SEMA3A: variants seen among roughly 807,000 people sequenced by gnomAD.
The protein encoded by SEMA3A is semaphorin 3A, also known as semaphorin-3A.
In SEMA3A, 29 loss-of-function variants were observed where a neutral mutation model predicts 97.9. That is an observed-to-expected ratio of 0.30 (90% confidence interval 0.22 to 0.40). SEMA3A has a LOEUF of 0.40. Ranked by LOEUF, SEMA3A falls within the 10% of genes least tolerant of loss-of-function variation. The pLI is 1.00. For synonymous variants in SEMA3A, 321 were observed against 323.7 expected (o/e 0.99, Z 0.09); for missense variants, 763 against 951.3 (o/e 0.80, Z 2.60).
At chr7:84,242,994 G>A (rs1799400291) in intron 3 of SEMA3A, among the ~76,000 whole-genome samples, 1 of 152,122 alleles carries the variant, frequency 6.6e-6, no homozygotes, top group Admixed American at 6.5e-5. Context: ...TGCATCCCAG[G>A]GATGAAGCCG....
rs374395749 is a variant in SEMA3A, at chr7:84,429,160, A to G, written c.-245-57260T>C. 6.9e-4 allele frequency among the ~76,000 whole-genome samples: 105 copies of G among 152,134 alleles called. 1 individual carries two copies. The highest frequency in any genetic ancestry group is 2.3e-3 in the African/African-American group (97 of 41,534). ...ATCAATTAGCATAATTTAGTTACTA[A>G]TTGAGAATCTCTACTTTATTTATGC... is the stretch of plus-strand genomic sequence containing the variant. On this transcript the variant is annotated intron_variant, in intron 1 of 3. Transcript: ENST00000424555.
intron 2 of SEMA3A, among the ~76,000 whole-genome samples, chr7:84,353,132 T>G (rs1802474464): frequency 6.6e-6 from 1 of 151,784 alleles, no homozygotes; most frequent in African/African-American, 2.4e-5. Flanking sequence ...ATAATGTAAA[T>G]GTTATGTAAA....
intron 5 of SEMA3A, among the ~76,000 whole-genome samples, chr7:84,057,104 T>C (rs1793016550): frequency 6.6e-6 from 1 of 152,228 alleles, no homozygotes; most frequent in South Asian, 2.1e-4. Context: ...CATTTTGTAA[T>C]GTCAAATTAT....
At chr7:84,157,166 T>C (rs886939092) in intron 1 of SEMA3A, among the ~76,000 whole-genome samples, 8 of 152,198 alleles carry the variant, frequency 5.3e-5, no homozygotes, top group African/African-American at 1.7e-4. Context: ...ATTATTAACA[T>C]GCCTTTGTGT....
At chr7:84,340,811 T>C (rs1246010344) in intron 2 of SEMA3A, among the ~76,000 whole-genome samples, 1 of 150,864 alleles carries the variant, frequency 6.6e-6, no homozygotes, top group African/African-American at 2.4e-5. Context: ...AAAATAACTA[T>C]ATGTACATCA....
chr7:84,466,086 G>C (rs1805987387), intron 1 of SEMA3A, among the ~76,000 whole-genome samples: 1 of 152,092 alleles, frequency 6.6e-6, no homozygotes, highest in African/African-American at 2.4e-5. Context: ...TTTGCAACAA[G>C]TTAGTCTGTG....
intron 2 of SEMA3A, among the ~76,000 whole-genome samples, chr7:84,361,502 A>G (rs1427109542): frequency 6.6e-6 from 1 of 152,058 alleles, no homozygotes; most frequent in East Asian, 1.9e-4. Context: ...AAATAAATAT[A>G]TCTATCCTTA....
intron 3 of SEMA3A, among the ~76,000 whole-genome samples, chr7:84,291,929 A>C (rs751777871): frequency 1.7e-4 from 26 of 152,272 alleles, no homozygotes; most frequent in Middle Eastern, 3.4e-3. Flanking sequence ...TAATCATTGA[A>C]GTGTGCCCAG....
In SEMA3A at chr7:84,053,236, C is replaced by T. The variant is rs574942700; in HGVS notation, c.548-6793G>A. Reference sequence around the variant, plus strand: ...GTAGATGTCTATTAGGTACGCTTGGCGCAGAGCTGAGTTCAATTCCTGGGT... The same window carrying T: ...GTAGATGTCTATTAGGTACGCTTGGTGCAGAGCTGAGTTCAATTCCTGGGT... On this transcript the variant is annotated intron_variant, in intron 5 of 16. Transcript: ENST00000265362. Among the ~76,000 whole-genome samples, 481 of 106,218 alleles carry T rather than the reference C, an allele frequency of 4.5e-3. 26 individuals are homozygous for T. Among genetic ancestry groups the T allele is most frequent in the Non-Finnish European group, 8.0e-3 (350 of 43,800 alleles). 69.7% of individuals were successfully genotyped at this position (106,218 alleles called of 152,430 possible). A position where few individuals can be genotyped will look rare whatever the true frequency, so the allele number is the denominator to read the frequency against.
chr7:84,477,620 G>C (rs184619751), intron 1 of SEMA3A, among the ~76,000 whole-genome samples: 59 of 152,000 alleles, frequency 3.9e-4, no homozygotes, highest in African/African-American at 1.4e-3. Context: ...TCATCATCTT[G>C]TGTGAAAAGA....
At position 84,194,694 on chromosome 7, in the gene SEMA3A, A is replaced by G. The variant is rs1382521014; in HGVS notation, c.-108T>C. On this transcript the variant is annotated 5_prime_UTR_variant, in exon 1 of 17. Coordinates refer to ENST00000265362, the MANE Select transcript of SEMA3A (RefSeq NM_006080.3). ...CTGGAGGTAACAGGTGATTTAGGTC[A>G]GTTTCATTCATAAATGCAGACAATC... 1.2e-5 allele frequency: 8 copies of G among 687,044 alleles called. No individual in the cohort carries two copies. Among genetic ancestry groups the G allele is most frequent in the Admixed American group, 2.3e-5 (1 of 43,214 alleles). 42.6% of individuals were successfully genotyped at this position (687,044 alleles called of 1,614,324 possible). A position where few individuals can be genotyped will look rare whatever the true frequency, so the allele number is the denominator to read the frequency against.
At chr7:84,080,562 T>TAAAAAATATACTTTAATCTCTG (rs1298613885) in intron 4 of SEMA3A, among the ~76,000 whole-genome samples, 3 of 7,456 alleles carry the variant, frequency 4.0e-4, no homozygotes, top group African/African-American at 8.5e-4. Flanking sequence ...TATAATTCTT[T>TAAAAAATATACTTTAATCTCTG]TTTTTTTTTT....
chr7:84,134,930 A>C lies in SEMA3A; in HGVS notation c.134T>G (p.Val45Gly). Residue 45 changes from valine to glycine, a missense_variant, in exon 2 of 17, where the codon GTG (valine) becomes GGG (glycine). Val to Gly is a moderately radical substitution (Grantham distance 109). Transcript: ENST00000265362. ...GTTGGCCAAGCCATTGAAAGTGATC[A>C]CATTGTTGGATTCCAACATTTCTGC... is the stretch of plus-strand genomic sequence containing the variant. ...SYKEMLESNN[V>G]ITFNGLANSS... 1 of 1,612,460 alleles carries C rather than the reference A, an allele frequency of 6.2e-7. No individual in the cohort carries two copies. The highest frequency in any genetic ancestry group is 1.1e-5 in the South Asian group (1 of 90,612).
chr7:84,489,089 G>A (rs147384962), intron 1 of SEMA3A: 4,115 of 152,420 alleles, frequency 0.027, 61 homozygotes, highest in Non-Finnish European at 0.043. Flanking sequence ...AGGTTTAATT[G>A]ACTCACAGTT....
Position 84,492,209 on chromosome 7 carries a change from T to C in SEMA3A, c.-246+251A>G, listed in dbSNP as rs553814171. ...GCAGTTAATACGGCAAAATACAGGA[T>C]TGAATTAACAGTATTATTAGCACCA... On this transcript the variant is annotated intron_variant, in intron 1 of 3. Transcript: ENST00000424555. Among the ~76,000 whole-genome samples the C allele has an allele frequency of 3.9e-5, 6 of 152,174 alleles. No homozygotes were observed. The South Asian group carries it at 8.3e-4, about 21-fold the overall frequency.
intron 1 of SEMA3A, among the ~76,000 whole-genome samples, chr7:84,458,029 A>G (rs184012894): frequency 2.0e-5 from 3 of 152,128 alleles, no homozygotes; most frequent in African/African-American, 7.2e-5. Context: ...CTGACCCATT[A>G]TGAAGTCTTA....
chr7:84,193,095 T>C (rs191099400), intron 1 of SEMA3A, among the ~76,000 whole-genome samples: 178 of 152,116 alleles, frequency 1.2e-3, no homozygotes, highest in Middle Eastern at 3.4e-3. Flanking sequence ...CTTCTGTTTG[T>C]TGATGTTTAA....
intron 1 of SEMA3A, among the ~76,000 whole-genome samples, chr7:84,382,490 T>C (rs1287074652): frequency 2.0e-5 from 3 of 151,538 alleles, no homozygotes; most frequent in African/African-American, 7.3e-5. Context: ...TGAAAAAAAA[T>C]CAGAGATTGA....
chr7:84,302,300 T>A (rs1271545749), intron 3 of SEMA3A, among the ~76,000 whole-genome samples: 1 of 152,090 alleles, frequency 6.6e-6, no homozygotes, highest in Non-Finnish European at 1.5e-5. Context: ...GTGATAATGG[T>A]TTAAAGGATA....
Sources: gnomAD v4.1 joint callset for allele counts (sites outside exome capture counted in the v4.1 genomes callset) on GRCh38, gnomAD v4.1.1 for gene constraint, MANE v1.5 for transcripts, NCBI Gene and HGNC (gene_info 2026-07-23, HGNC 2026-07-21) for gene names.